ARHGEF28: variants seen among roughly 807,000 people sequenced by gnomAD.
ARHGEF28 encodes the protein Rho guanine nucleotide exchange factor 28.
ARHGEF28 carries 152 observed loss-of-function variants against 206.6 expected under a neutral mutation model. That is an observed-to-expected ratio of 0.74 (90% CI 0.64 to 0.84). ARHGEF28 has a LOEUF of 0.84. Among genes scored for constraint, ARHGEF28 ranks in the 40% least tolerant of loss-of-function variants. The pLI, the probability that ARHGEF28 is intolerant of heterozygous loss-of-function variation, is 0.00. For missense variants in ARHGEF28, 2,028 were observed against 2,073.2 expected (o/e 0.98, Z 0.42); for synonymous variants, 763 against 776.4 (o/e 0.98, Z 0.29).
chr5:73,758,996 A>G (rs1438832260), intron 4 of ARHGEF28, among the ~76,000 whole-genome samples: 6 of 152,338 alleles, frequency 3.9e-5, no homozygotes, highest in East Asian at 1.9e-4. Flanking sequence ...AGGTAACCCA[A>G]TTGAACTTTT....
chr5:73,925,852 T>C (rs1763767533), intron 35 of ARHGEF28, among the ~76,000 whole-genome samples: 1 of 152,252 alleles, frequency 6.6e-6, no homozygotes, highest in South Asian at 2.1e-4. Context: ...CCTTCCTTGT[T>C]GATGGACATC....
chr5:73,783,433 A>G (rs1288157452), intron 7 of ARHGEF28, among the ~76,000 whole-genome samples: 1 of 151,694 alleles, frequency 6.6e-6, no homozygotes, highest in Non-Finnish European at 1.5e-5. Flanking sequence ...TGATGCCAAG[A>G]ACATAGGCTT....
chr5:73,664,891 A>G lies in ARHGEF28; in HGVS notation c.-11-19950A>G, dbSNP rs530013812. Among the ~76,000 whole-genome samples, 49 of 152,114 alleles carry G rather than the reference A, an allele frequency of 3.2e-4. 1 individual carries two copies. The highest frequency in any genetic ancestry group is 1.0e-3 in the African/African-American group (43 of 41,500). On this transcript the variant is annotated intron_variant, in intron 1 of 35. Transcript: ENST00000513042. ...CATTTCATTTTTTTCTTCTTCTCAT[A>G]TGCTTCTCCTTGGTCAATGGCACCA...
At chr5:73,824,807 G>A (rs1323125831) in intron 9 of ARHGEF28, among the ~76,000 whole-genome samples, 1 of 151,946 alleles carries the variant, frequency 6.6e-6, no homozygotes, top group Non-Finnish European at 1.5e-5. Flanking sequence ...GAGGCTGAGG[G>A]CTCCATCCTG....
chr5:73,753,093 T>A lies in ARHGEF28; in HGVS notation c.366T>A (p.Phe122Leu), dbSNP rs539088067. ...ACSHQTLLTP[F>L]ALTAGALPAL... ...GCCACCAGACCCTGCTGACCCCATT[T>A]GCCTTGACGGCAGGAGCACTGCCTG... Residue 122 changes from phenylalanine to leucine, a missense_variant, in exon 4 of 36, where the codon TTT becomes TTA. Transcript: ENST00000513042. 1 of 1,603,754 alleles carries A rather than the reference T, an allele frequency of 6.2e-7. No homozygotes were observed. Among genetic ancestry groups the A allele is most frequent in the South Asian group, 1.1e-5 (1 of 88,762 alleles).
rs2112225166 is a variant in ARHGEF28, at chr5:73,674,815, A to G, written c.-11-10026A>G. On this transcript the variant is annotated intron_variant, in intron 1 of 35. Transcript: ENST00000513042. ...GTAATGAAGCTTCCTTAAAAACCTA[A>G]AAGGACTGGGTTCTTGGAACTACTG... Among the ~76,000 whole-genome samples, 4 of 152,306 alleles carry G rather than the reference A, an allele frequency of 2.6e-5. 1 individual carries two copies. The South Asian group carries it at 8.3e-4, about 32-fold the overall frequency.
intron 7 of ARHGEF28, among the ~76,000 whole-genome samples, chr5:73,788,505 T>C (rs12515096): frequency 0.34 from 51,744 of 152,004 alleles, 10,264 homozygotes; most frequent in Non-Finnish European, 0.44. Context: ...TTTTGTATGT[T>C]ACATGTATTA....
At chr5:73,768,899 G>A (rs1157552203) in intron 4 of ARHGEF28, among the ~76,000 whole-genome samples, 2 of 151,958 alleles carry the variant, frequency 1.3e-5, no homozygotes, top group Non-Finnish European at 2.9e-5. Context: ...GAATTATGGG[G>A]ATGGGTCTTT....
chr5:73,708,655 G>T (rs1749076879), intron 2 of ARHGEF28, among the ~76,000 whole-genome samples: 2 of 152,072 alleles, frequency 1.3e-5, no homozygotes, highest in Admixed American at 6.5e-5. Flanking sequence ...TGTGAATAGT[G>T]CTCCAATAAA....
In ARHGEF28 at chr5:73,898,164, T is replaced by A. The variant is rs544948433; in HGVS notation, c.3973+71T>A. 1.9e-6 allele frequency: 3 copies of A among 1,547,790 alleles called. No individual in the cohort carries two copies. The South Asian group carries it at 3.6e-5, about 18-fold the overall frequency. On this transcript the variant is annotated intron_variant, in intron 30 of 35. Transcript: ENST00000513042. ...TGGAGCTTACAGTGGTCACGTAAAG[T>A]AAAGGCAATGACTGTCTCTGGTTGA... is the stretch of plus-strand genomic sequence containing the variant.
At chr5:73,801,691 C>T (rs1031464805) in intron 9 of ARHGEF28, among the ~76,000 whole-genome samples, 2 of 152,110 alleles carry the variant, frequency 1.3e-5, no homozygotes, top group Non-Finnish European at 2.9e-5. Flanking sequence ...ACACCCCAGG[C>T]TACAGAGCTT....
At chr5:73,820,335 C>T (rs1473927609) in intron 9 of ARHGEF28, among the ~76,000 whole-genome samples, 4 of 152,098 alleles carry the variant, frequency 2.6e-5, no homozygotes, top group African/African-American at 9.7e-5. Context: ...TCCTACTCTT[C>T]CTTGTCAAGC....
intron 26 of ARHGEF28, among the ~76,000 whole-genome samples, chr5:73,889,958 A>C: frequency 6.6e-6 from 1 of 152,254 alleles, no homozygotes; most frequent in East Asian, 1.9e-4. Context: ...TCTAGTATTT[A>C]AATGCTGAGA....
At chr5:73,658,011 C>G (rs531548978) in intron 1 of ARHGEF28, among the ~76,000 whole-genome samples, 75 of 152,230 alleles carry the variant, frequency 4.9e-4, no homozygotes, top group African/African-American at 1.5e-3. Flanking sequence ...GGGAGTGCTC[C>G]CTTGCTTTCT....
intron 7 of ARHGEF28, among the ~76,000 whole-genome samples, chr5:73,787,117 G>T (rs4599517): frequency 0.34 from 51,705 of 152,120 alleles, 10,186 homozygotes; most frequent in Non-Finnish European, 0.44. Flanking sequence ...CTTTTTAGGA[G>T]AACTGTTGCA....
intron 1 of ARHGEF28, among the ~76,000 whole-genome samples, chr5:73,676,459 G>A (rs957372218): frequency 5.9e-5 from 9 of 151,980 alleles, no homozygotes; most frequent in East Asian, 3.9e-4. Flanking sequence ...GACTGGTCTC[G>A]AACTCCTGAC....
At chr5:73,832,773 C>T (rs1757378004) in intron 10 of ARHGEF28, among the ~76,000 whole-genome samples, 1 of 152,148 alleles carries the variant, frequency 6.6e-6, no homozygotes, top group Admixed American at 6.5e-5. Context: ...AATGTCTCCT[C>T]TACAGCTTTT....
intron 20 of ARHGEF28, 77 bp downstream of exon 20, chr5:73,868,304 G>T: frequency 1.4e-6 from 2 of 1,439,230 alleles, no homozygotes; most frequent in Non-Finnish European, 1.8e-6. Context: ...AAGGAAATAA[G>T]ATTGAAGCAT....
intron 35 of ARHGEF28, chr5:73,923,295 CA>C: frequency 1.3e-6 from 1 of 772,280 alleles, no homozygotes; most frequent in East Asian, 2.9e-5. Flanking sequence ...AAAAAAAAAT[CA>C]AATACTAAAT....
Sources: gnomAD v4.1 joint callset for allele counts (sites outside exome capture counted in the v4.1 genomes callset) on GRCh38, gnomAD v4.1.1 for gene constraint, MANE v1.5 for transcripts, NCBI Gene and HGNC (gene_info 2026-07-23, HGNC 2026-07-21) for gene names.